PDCD6: variants seen among roughly 807,000 people sequenced by gnomAD.
PDCD6 encodes the protein programmed cell death 6.
PDCD6 carries 12 observed loss-of-function variants against 28.3 expected under a neutral mutation model. The observed-to-expected ratio is 0.42, with a 90% CI of 0.27 to 0.69. The LOEUF (loss-of-function observed/expected upper bound fraction) is 0.69, where lower values mean the gene tolerates loss of function less well. Ranked by LOEUF, PDCD6 falls within the 30% of genes least tolerant of loss-of-function variation. The probability of loss-of-function intolerance (pLI) is 0.22; values close to 1 mark genes in which losing one functional copy is unlikely to be tolerated. For missense variants in PDCD6, 226 were observed against 269.9 expected (o/e 0.84, Z 1.14); for synonymous variants, 92 against 108.0 (o/e 0.85, Z 0.92).
At chr5:295,267 A>T (rs1446053562) in intron 2 of PDCD6, among the ~76,000 whole-genome samples, 1 of 152,190 alleles carries the variant, frequency 6.6e-6, no homozygotes, top group Non-Finnish European at 1.5e-5. Context: ...AGTTGACATC[A>T]TCTACCTGGG....
rs369997630 is a variant in PDCD6, at chr5:306,748, C to T, written c.355C>T (p.Leu119Phe). Reference sequence around the variant, plus strand: ...CGATAAGAACGAGCTGAAGCAGGCCCTCTCAGGTTTCGGTAACTCACTCAC... The same window carrying T: ...CGATAAGAACGAGCTGAAGCAGGCCTTCTCAGGTTTCGGTAACTCACTCAC... ...MIDKNELKQA[L>F]SGFGYRLSDQ... The change falls in exon 4 of 6, where the codon CTC (leucine) becomes TTC (phenylalanine). Residue 119 changes from leucine (L) to phenylalanine (F), a missense_variant. Coordinates refer to ENST00000264933, the MANE Select transcript of PDCD6 (RefSeq NM_013232.4). The T allele has an allele frequency of 1.6e-4, 259 of 1,613,670 alleles. No homozygotes were observed. Among genetic ancestry groups the T allele is most frequent in the Non-Finnish European group, 2.1e-4 (252 of 1,179,918 alleles).
rs537558687 is a variant in PDCD6 at position 271,685 on chromosome 5, C to T, written c.-36C>T. On this transcript the variant is annotated 5_prime_UTR_variant, in exon 1 of 6. Coordinates refer to ENST00000264933, the MANE Select transcript of PDCD6 (RefSeq NM_013232.4). The stretch of plus-strand genomic sequence containing the variant: ...AGTCGGCCTGAGAGGTCTCTCGTCG[C>T]TGCAGGCGCCTCAGCCCAGCCGCGT... 8 of 1,279,650 alleles carry T rather than the reference C, an allele frequency of 6.3e-6. No homozygotes were observed. The highest frequency in any genetic ancestry group is 1.8e-4 in the Middle Eastern group (1 of 5,492). 79.3% of individuals were successfully genotyped at this position (1,279,650 alleles called of 1,614,324 possible). A position where few individuals can be genotyped will look rare whatever the true frequency, so the allele number is the denominator to read the frequency against.
At chr5:297,632 A>G (rs903600493) in intron 2 of PDCD6, among the ~76,000 whole-genome samples, 18 of 152,162 alleles carry the variant, frequency 1.2e-4, no homozygotes, top group East Asian at 3.9e-4. Context: ...GCTTCCTTGC[A>G]CCTGTGCCCG....
chr5:295,500 C>T (rs1173894692), intron 2 of PDCD6, among the ~76,000 whole-genome samples: 2 of 147,670 alleles, frequency 1.4e-5, no homozygotes, highest in Non-Finnish European at 3.0e-5. Context: ...CTCAGGATCA[C>T]AAGGTTGTGG....
intron 2 of PDCD6, among the ~76,000 whole-genome samples, chr5:300,059 C>T (rs1195904772): frequency 2.0e-5 from 3 of 152,086 alleles, no homozygotes; most frequent in Non-Finnish European, 4.4e-5. Context: ...TTTGATCTGC[C>T]TATGTGGGAA....
rs1357928410 is a variant in PDCD6 at position 314,602 on chromosome 5, G to C, written c.*87G>C. 1 of 896,772 alleles carries C rather than the reference G, an allele frequency of 1.1e-6. No individual in the cohort carries two copies. The highest frequency in any genetic ancestry group is 2.5e-5 in the East Asian group (1 of 40,772). The allele number at this position is 896,772 out of a possible 1,614,324, so 55.6% of individuals were successfully genotyped here. ...TGTGAGGGAATGGAGCACAGGTGCA[G>C]TTAGATGCTGTTCTTCCTTTAGATT... On this transcript the variant is annotated 3_prime_UTR_variant, in exon 6 of 6. Transcript: ENST00000264933.
intron 5 of PDCD6, among the ~76,000 whole-genome samples, chr5:312,840 T>C (rs1454778770): frequency 6.6e-6 from 1 of 151,892 alleles, no homozygotes; most frequent in African/African-American, 2.4e-5. Context: ...AGGGAAAAGA[T>C]GCCGTGTAAA....
intron 2 of PDCD6, chr5:273,030 T>A: frequency 1.9e-6 from 1 of 525,214 alleles, no homozygotes; most frequent in Non-Finnish European, 3.4e-6. Context: ...AAAACTAGAT[T>A]GTAGGTTTAG....
intron 2 of PDCD6, among the ~76,000 whole-genome samples, chr5:290,776 T>C (rs1345437260): frequency 1.3e-5 from 2 of 152,252 alleles, no homozygotes; most frequent in African/African-American, 2.4e-5. Flanking sequence ...TCCACTGCTA[T>C]GATGGTGTGG....
intron 5 of PDCD6, chr5:311,676 GT>G: frequency 3.9e-5 from 15 of 389,128 alleles, no homozygotes; most frequent in East Asian, 1.1e-4. Flanking sequence ...TGGTGTTGTG[GT>G]TTTTTTTGTT....
Position 302,395 on chromosome 5 carries a change from C to CTGCTGTGTG in PDCD6, c.164-1780_164-1779insCTGTGTGTG, listed in dbSNP as rs1740140296. 3.9e-5 allele frequency among the ~76,000 whole-genome samples: 3 copies of CTGCTGTGTG among 76,172 alleles called. 1 individual carries two copies. The highest frequency in any genetic ancestry group is 3.6e-4 in the African/African-American group (3 of 8,408). The allele number at this position is 76,172 out of a possible 152,430, so 50.0% of individuals were successfully genotyped here. ...GGAGGGTGGGTCGTGGAGTGCTGCT[C>CTGCTGTGTG]TGTGTGTATGCCTCAGGTTCAGGTG... On this transcript the variant is annotated intron_variant, in intron 2 of 5. Coordinates refer to ENST00000264933, the MANE Select transcript of PDCD6 (RefSeq NM_013232.4).
Position 271,783 on chromosome 5 carries a change from G to A in PDCD6, c.63G>A (p.Ala21=), listed in dbSNP as rs1284162594. The change falls in exon 1 of 6, where the codon GCG becomes GCA. Residue 21 remains alanine, a synonymous_variant. Coordinates refer to ENST00000264933, the MANE Select transcript of PDCD6 (RefSeq NM_013232.4). The part of the protein sequence containing the change: ...GAGPGPAAGA[A]LPDQSFLWNV... The stretch of plus-strand genomic sequence containing the variant: ...GCCCTGGGCCTGCTGCAGGCGCGGC[G>A]CTGCCGGACCAGAGCTTCCTGTGGA... The A allele has an allele frequency of 4.7e-6, 7 of 1,481,984 alleles. No individual in the cohort carries two copies. The highest frequency in any genetic ancestry group is 1.5e-5 in the African/African-American group (1 of 67,804). 91.8% of individuals were successfully genotyped at this position (1,481,984 alleles called of 1,614,324 possible).
chr5:314,685 C>G lies in PDCD6; in HGVS notation c.*170C>G. On this transcript the variant is annotated 3_prime_UTR_variant, in exon 6 of 6. Coordinates refer to ENST00000264933, the MANE Select transcript of PDCD6 (RefSeq NM_013232.4). ...GATAAGCTGATTAATGGTTTTGCAA[C>G]TGTAATAGTAGCTGTATCGTTCTAA... 2 of 694,032 alleles carry G rather than the reference C, an allele frequency of 2.9e-6. No homozygotes were observed. The highest frequency in any genetic ancestry group is 5.3e-6 in the Non-Finnish European group (2 of 379,306). 43.0% of individuals were successfully genotyped at this position (694,032 alleles called of 1,614,324 possible).
At chr5:288,292 TTA>T (rs1554006388) in intron 2 of PDCD6, among the ~76,000 whole-genome samples, 29 of 107,070 alleles carry the variant, frequency 2.7e-4, no homozygotes, top group East Asian at 9.2e-4. Flanking sequence ...AATATATATA[TTA>T]TATATATATA....
intron 2 of PDCD6, among the ~76,000 whole-genome samples, chr5:292,936 C>G (rs918258483): frequency 2.3e-4 from 35 of 152,378 alleles, no homozygotes; most frequent in Middle Eastern, 6.8e-3. Flanking sequence ...GGCGTGGCCA[C>G]TGACACATCC....
intron 4 of PDCD6, among the ~76,000 whole-genome samples, chr5:308,018 C>T (rs1740637710): frequency 6.6e-6 from 1 of 152,094 alleles, no homozygotes; most frequent in African/African-American, 2.4e-5. Context: ...GGAGGGAACG[C>T]TGGCCGGCTC....
At chr5:290,348 C>T (rs1306016911) in intron 2 of PDCD6, 17 of 1,118,354 alleles carry the variant, frequency 1.5e-5, no homozygotes, top group Middle Eastern at 2.9e-4. Flanking sequence ...TCACAGCCTC[C>T]GCCTCCCTCC....
Position 305,143 on chromosome 5 carries a change from C to A in PDCD6, c.208+922C>A. On this transcript the variant is annotated intron_variant, in intron 3 of 5. Coordinates refer to ENST00000264933, the MANE Select transcript of PDCD6 (RefSeq NM_013232.4). The surrounding 1 kb of genome is among the most constrained non-coding windows in gnomAD (Gnocchi z 4.0). ...GTTCAGGAGAGTCATGTTTCCATCCCTACCCGACTTGATTTCTGGAAGGTT... is the reference window on the plus strand; with the variant it reads ...GTTCAGGAGAGTCATGTTTCCATCCATACCCGACTTGATTTCTGGAAGGTT... The A allele has an allele frequency of 6.6e-6, 1 of 152,538 alleles. No individual in the cohort carries two copies. The highest frequency in any genetic ancestry group is 1.5e-5 in the Non-Finnish European group (1 of 68,208). The allele number at this position is 152,538 out of a possible 1,614,324, so 9.4% of individuals were successfully genotyped here. A position where few individuals can be genotyped will look rare whatever the true frequency, so the allele number is the denominator to read the frequency against.
At chr5:293,278 A>G (rs1191349489) in intron 2 of PDCD6, among the ~76,000 whole-genome samples, 56 of 138,450 alleles carry the variant, frequency 4.0e-4, no homozygotes, top group East Asian at 2.0e-3. Flanking sequence ...GCAAACACCC[A>G]CGATACTGTC....
Sources: allele counts gnomAD v4.1 joint callset (sites outside exome capture counted in the v4.1 genomes callset), GRCh38; gene constraint gnomAD v4.1.1; non-coding constraint Gnocchi (gnomAD v3.1); transcripts MANE v1.5; gene names NCBI Gene and HGNC (gene_info 2026-07-23, HGNC 2026-07-21).